The following UGT1A8 variants were observed in gnomAD, a reference collection of about 807,000 sequenced individuals.
The protein encoded by UGT1A8 is UDP glucuronosyltransferase family 1 member A8.
A neutral mutation model predicts 45.3 loss-of-function variants in UGT1A8; 39 were observed. The ratio of observed to expected loss-of-function variants is 0.86; its 90% CI spans 0.67 to 1.12. The LOEUF is 1.12. Among genes scored for constraint, UGT1A8 ranks in the 50% most tolerant of loss-of-function variants. UGT1A8 has a pLI of 0.00. For synonymous variants in UGT1A8, 275 were observed against 249.2 expected (o/e 1.10, Z -0.97); for missense variants, 719 against 664.9 (o/e 1.08, Z -0.90).
At chr2:233,709,435 T>C (rs1036317154) in intron 1 of UGT1A8, among the ~76,000 whole-genome samples, 9 of 152,210 alleles carry the variant, frequency 5.9e-5, no homozygotes, top group Non-Finnish European at 8.8e-5. Context: ...CCAGAAAGGA[T>C]GACCTGCCGA....
intron 1 of UGT1A8, among the ~76,000 whole-genome samples, chr2:233,688,405 C>T (rs1199234339): frequency 6.6e-6 from 1 of 152,148 alleles, no homozygotes; most frequent in Non-Finnish European, 1.5e-5. Context: ...TTCTAATTTT[C>T]GAGCCCATGT....
chr2:233,652,462 C>A (rs576042532), intron 1 of UGT1A8, among the ~76,000 whole-genome samples: 41 of 152,108 alleles, frequency 2.7e-4, no homozygotes, highest in African/African-American at 8.9e-4. Context: ...ATCATTCTAT[C>A]CCCAAATACT....
chr2:233,675,310 G>A (rs781649686), intron 1 of UGT1A8, among the ~76,000 whole-genome samples: 1 of 152,178 alleles, frequency 6.6e-6, no homozygotes, highest in Non-Finnish European at 1.5e-5. Flanking sequence ...TAATGTGTGT[G>A]TGTTGATTAA....
At chr2:233,693,435 T>C (rs2075153037) in intron 1 of UGT1A8, 3 of 1,614,160 alleles carry the variant, frequency 1.9e-6, no homozygotes, top group Non-Finnish European at 2.5e-6. Context: ...GAGAGCAAGT[T>C]TGATGCTCTT....
rs926528445 is a variant in UGT1A8, at chr2:233,671,817, T to TA, written c.855+53256dup. On this transcript the variant is annotated intron_variant, in intron 1 of 4. Coordinates refer to ENST00000373450, the MANE Select transcript of UGT1A8 (RefSeq NM_019076.5). ...CATTGTCAGTGACTGATTTTTTTTT[T>TA]ATGAAAGGATAAAAACACGCCCTCT... 2.3e-5 allele frequency: 33 copies of TA among 1,423,448 alleles called. No individual in the cohort carries two copies. In the East Asian group the frequency reaches 2.7e-4, roughly 12 times the overall value. 88.2% of individuals were successfully genotyped at this position (1,423,448 alleles called of 1,614,324 possible). A position where few individuals can be genotyped will look rare whatever the true frequency, so the allele number is the denominator to read the frequency against.
intron 1 of UGT1A8, among the ~76,000 whole-genome samples, chr2:233,663,863 C>T (rs2074023509): frequency 6.6e-6 from 1 of 152,100 alleles, no homozygotes; most frequent in Non-Finnish European, 1.5e-5. Context: ...AACCACCATT[C>T]CTCTTTTTGA....
chr2:233,693,995 G>T (rs7592281), intron 1 of UGT1A8: 60,670 of 1,516,734 alleles, frequency 0.04, 2,435 homozygotes, highest in East Asian at 0.2. Flanking sequence ...AGTGATACCC[G>T]GCTCGGAGCA....
At position 233,651,119 on chromosome 2, in the gene UGT1A8, C is replaced by T. The variant is rs532557358; in HGVS notation, c.855+32557C>T. Among the ~76,000 whole-genome samples, 100 of 152,270 alleles carry T rather than the reference C, an allele frequency of 6.6e-4. 1 individual carries two copies. Among genetic ancestry groups the T allele is most frequent in the African/African-American group, 2.1e-3 (89 of 41,544 alleles). ...GCTTTCAGCTCTTGGCAAGAACAGG[C>T]GAGGAGATGCAAGCCTCTACAAGGC... On this transcript the variant is annotated intron_variant, in intron 1 of 4. Transcript: ENST00000373450.
chr2:233,713,717 G>A (rs1295748799), intron 1 of UGT1A8: 1 of 1,613,946 alleles, frequency 6.2e-7, no homozygotes, highest in East Asian at 2.2e-5. Flanking sequence ...TTCAGAGAGA[G>A]GTGTCAGTGG....
At chr2:233,688,680 A>T (rs1230576037) in intron 1 of UGT1A8, among the ~76,000 whole-genome samples, 1 of 152,200 alleles carries the variant, frequency 6.6e-6, no homozygotes, top group Admixed American at 6.5e-5. Context: ...TTTTTAAAAA[A>T]TTTAATATTA....
intron 1 of UGT1A8, chr2:233,718,879 T>G: frequency 6.2e-7 from 1 of 1,613,960 alleles, no homozygotes; most frequent in Non-Finnish European, 8.5e-7. Context: ...CTGCTCCTCC[T>G]CAGTGTCCAG....
chr2:233,691,801 C>G (rs958014119), intron 1 of UGT1A8: 21 of 217,940 alleles, frequency 9.6e-5, no homozygotes, highest in Admixed American at 2.6e-4. Context: ...TTATACTTCT[C>G]AAATCTTAAT....
intron 1 of UGT1A8, among the ~76,000 whole-genome samples, chr2:233,629,530 C>T (rs1401740768): frequency 6.6e-6 from 1 of 152,040 alleles, no homozygotes; most frequent in Non-Finnish European, 1.5e-5. Flanking sequence ...CTTTGACTTG[C>T]CAATATTTTG....
At chr2:233,747,791 T>A in intron 1 of UGT1A8, 1 of 1,613,564 alleles carries the variant, frequency 6.2e-7, no homozygotes, top group Middle Eastern at 1.7e-4. Context: ...CTTCCTCCTA[T>A]ATTCCTAAGT....
At chr2:233,707,601 G>A (rs953899116) in intron 1 of UGT1A8, among the ~76,000 whole-genome samples, 4 of 148,144 alleles carry the variant, frequency 2.7e-5, no homozygotes, top group Admixed American at 2.0e-4. Context: ...TTTACAAGTT[G>A]TAGTTTGTGG....
intron 1 of UGT1A8, among the ~76,000 whole-genome samples, chr2:233,699,961 C>T (rs767671450): frequency 6.6e-6 from 1 of 152,132 alleles, no homozygotes; most frequent in Non-Finnish European, 1.5e-5. Flanking sequence ...GTGAAAAATA[C>T]CCGTCCCCCA....
At chr2:233,730,118 T>C in intron 1 of UGT1A8, 5 of 1,555,912 alleles carry the variant, frequency 3.2e-6, no homozygotes, top group Non-Finnish European at 4.3e-6. Context: ...CTTCTCCTTG[T>C]CATAATAGCC....
intron 1 of UGT1A8, among the ~76,000 whole-genome samples, chr2:233,701,144 A>C (rs188566548): frequency 6.6e-6 from 1 of 152,282 alleles, no homozygotes. Flanking sequence ...GTTGGTTCCA[A>C]GTCTTTGCTA....
intron 1 of UGT1A8, among the ~76,000 whole-genome samples, chr2:233,763,058 A>G (rs1698227162): frequency 6.6e-6 from 1 of 152,176 alleles, no homozygotes. Context: ...ATTGATTTAG[A>G]TAATTTCCTT....
Sources: gnomAD v4.1 joint callset for allele counts (sites outside exome capture counted in the v4.1 genomes callset) on GRCh38, gnomAD v4.1.1 for gene constraint, MANE v1.5 for transcripts, NCBI Gene and HGNC (gene_info 2026-07-23, HGNC 2026-07-21) for gene names.